The following TATDN1 variants were observed in gnomAD, a reference collection of about 807,000 sequenced individuals.
TATDN1 encodes deoxyribonuclease TATDN1.
A neutral mutation model predicts 46.4 loss-of-function variants in TATDN1; 40 were observed. That is an observed-to-expected ratio of 0.86 (90% confidence interval 0.67 to 1.12). TATDN1 has a LOEUF of 1.12. Ranked by LOEUF, TATDN1 falls within the 50% of genes most tolerant of loss-of-function variation. The pLI is 0.00. For missense variants in TATDN1, 326 were observed against 348.4 expected, an observed-to-expected ratio of 0.94 and a Z score of 0.51; for synonymous variants, 95 against 105.6, an observed-to-expected ratio of 0.90 and a Z score of 0.62.
At chr8:124,530,359 G>C (rs1820852224) in intron 1 of TATDN1, among the ~76,000 whole-genome samples, 1 of 152,192 alleles carries the variant, frequency 6.6e-6, no homozygotes, top group Admixed American at 6.5e-5. Flanking sequence ...GGCAAATCCA[G>C]CAATCCAATA....
chr8:124,533,371 G>A (rs1430939497), intron 1 of TATDN1, among the ~76,000 whole-genome samples: 3 of 152,194 alleles, frequency 2.0e-5, no homozygotes, highest in African/African-American at 7.2e-5. Context: ...GATGCTGAGT[G>A]AGGGGACAGG....
chr8:124,501,645 A>G (rs185156474), intron 9 of TATDN1, among the ~76,000 whole-genome samples: 3 of 152,242 alleles, frequency 2.0e-5, no homozygotes, highest in African/African-American at 7.2e-5. Flanking sequence ...AGTAAATTTC[A>G]TAAAAAGGGT....
chr8:124,495,187 C>T, intron 10 of TATDN1: 2 of 405,848 alleles, frequency 4.9e-6, no homozygotes, highest in Non-Finnish European at 8.8e-6. Flanking sequence ...TAGTCAAGAC[C>T]CCTTGTTTAG....
chr8:124,516,047 T>G lies in TATDN1; in HGVS notation c.203-17A>C. The G allele has an allele frequency of 6.4e-7, 1 of 1,567,796 alleles. No homozygotes were observed. On this transcript the variant is annotated splice_polypyrimidine_tract_variant and intron_variant, in intron 4 of 11. Coordinates refer to ENST00000276692, the MANE Select transcript of TATDN1 (RefSeq NM_032026.4). ...AAAACATACCTAACAGAAAATAATG[T>G]CTTAGGATTATTTTCAAAGTATTTT...
intron 1 of TATDN1, among the ~76,000 whole-genome samples, chr8:124,537,405 C>T (rs139522760): frequency 1.1e-3 from 168 of 152,276 alleles, no homozygotes; most frequent in Non-Finnish European, 1.8e-3. Context: ...AAACAGCATG[C>T]ACAAGTGTTT....
intron 3 of TATDN1, among the ~76,000 whole-genome samples, 200 bp from the exon 4 acceptor site, chr8:124,519,081 G>C (rs1005395981): frequency 6.6e-6 from 1 of 152,130 alleles, no homozygotes; most frequent in Non-Finnish European, 1.5e-5. Flanking sequence ...GTATGTATGT[G>C]TGTGTGCATG....
chr8:124,521,160 G>A (rs1401844962), intron 3 of TATDN1, among the ~76,000 whole-genome samples: 1 of 152,032 alleles, frequency 6.6e-6, no homozygotes, highest in African/African-American at 2.4e-5. Flanking sequence ...AAAGACTCCA[G>A]GTTATAAAGC....
chr8:124,535,600 C>T (rs1012673767), intron 1 of TATDN1, among the ~76,000 whole-genome samples: 2 of 152,148 alleles, frequency 1.3e-5, no homozygotes, highest in African/African-American at 4.8e-5. Flanking sequence ...AAAGAGTAGC[C>T]TCAGTATGAT....
intron 9 of TATDN1, chr8:124,503,791 A>G (rs1818175678): frequency 1.7e-6 from 1 of 605,314 alleles, no homozygotes; most frequent in South Asian, 1.5e-5. Context: ...AAGATCACAG[A>G]GTGAGAAGCC....
At chr8:124,490,526 GA>G (rs952089429) in intron 11 of TATDN1, among the ~76,000 whole-genome samples, 10 of 150,846 alleles carry the variant, frequency 6.6e-5, no homozygotes, top group East Asian at 1.9e-4. Flanking sequence ...AAAGAAAAAA[GA>G]AAAAAAAATC....
chr8:124,516,506 C>T (rs1168194985), intron 4 of TATDN1, among the ~76,000 whole-genome samples: 2 of 151,166 alleles, frequency 1.3e-5, no homozygotes, highest in East Asian at 3.9e-4. Context: ...GACAGGGTTT[C>T]GCTACGTTGC....
At chr8:124,491,964 C>G (rs1437864040) in intron 11 of TATDN1, among the ~76,000 whole-genome samples, 1 of 150,814 alleles carries the variant, frequency 6.6e-6, no homozygotes, top group African/African-American at 2.4e-5. Flanking sequence ...ATTGATGAAG[C>G]CTTCACAGTT....
chr8:124,517,545 G>T (rs573337387), intron 4 of TATDN1, among the ~76,000 whole-genome samples: 3 of 151,872 alleles, frequency 2.0e-5, no homozygotes, highest in Non-Finnish European at 4.4e-5. Context: ...AAACACATCA[G>T]TATTTTAAAA....
At chr8:124,517,118 A>G (rs914532478) in intron 4 of TATDN1, among the ~76,000 whole-genome samples, 5 of 152,224 alleles carry the variant, frequency 3.3e-5, no homozygotes, top group Admixed American at 3.3e-4. Flanking sequence ...AAGATAGTCT[A>G]TCTTTAATCA....
chr8:124,516,015 G>T lies in TATDN1; in HGVS notation c.218C>A (p.Thr73Lys). 6.2e-7 allele frequency: 1 copy of T among 1,607,062 alleles called. No individual in the cohort carries two copies. The highest frequency in any genetic ancestry group is 1.1e-5 in the South Asian group (1 of 88,958). ...ACATCTTGTAGGATGACATCCAACT[G>T]TACTGAAAAACATACCTAACAGAAA... Reference protein sequence around the residue: ...LAQTNGMFFSTVGCHPTRCGE... With the variant: ...LAQTNGMFFSKVGCHPTRCGE... Residue 73 changes from threonine (T) to lysine (K), a missense_variant, in exon 5 of 12, where the codon ACA becomes AAA. Coordinates refer to ENST00000276692, the MANE Select transcript of TATDN1 (RefSeq NM_032026.4).
At chr8:124,523,100 T>C in intron 1 of TATDN1, 98 bp from the exon 2 acceptor site, 1 of 978,454 alleles carries the variant, frequency 1.0e-6, no homozygotes, top group Non-Finnish European at 1.6e-6. Flanking sequence ...GTTCACACAC[T>C]CATCTACTCA....
chr8:124,532,002 A>G (rs996831880), intron 1 of TATDN1, among the ~76,000 whole-genome samples: 1 of 151,646 alleles, frequency 6.6e-6, no homozygotes, highest in Non-Finnish European at 1.5e-5. Flanking sequence ...CCTCTTCCAG[A>G]CTCCAAGACT....
At position 124,517,130 on chromosome 8, in the gene TATDN1, T is replaced by C. The variant is rs932465397; in HGVS notation, c.203-1100A>G. 2.6e-5 allele frequency among the ~76,000 whole-genome samples: 4 copies of C among 152,152 alleles called. No homozygotes were observed. In the East Asian group the frequency reaches 5.8e-4, roughly 22 times the overall value. ...TGGAAGATAGTCTATCTTTAATCAC[T>C]AACAAAAAGTGTCAATGGGGTGGGT... On this transcript the variant is annotated intron_variant, in intron 4 of 11. Transcript: ENST00000276692.
chr8:124,504,953 C>G (rs1818287106), intron 8 of TATDN1, among the ~76,000 whole-genome samples: 1 of 150,202 alleles, frequency 6.7e-6, no homozygotes, highest in African/African-American at 2.4e-5. Flanking sequence ...TGGGGTTTCT[C>G]CATGTTGGTC....
Sources: gnomAD v4.1 joint callset for allele counts (sites outside exome capture counted in the v4.1 genomes callset) on GRCh38, gnomAD v4.1.1 for gene constraint, MANE v1.5 for transcripts, NCBI Gene and HGNC (gene_info 2026-07-23, HGNC 2026-07-21) for gene names.